Variants in ANXA10 observed in about 807,000 individuals in gnomAD.
The protein encoded by ANXA10 is annexin A10, also known as annexin 14.
In ANXA10, 49 loss-of-function variants were observed where a neutral mutation model predicts 53.5. The ratio of observed to expected loss-of-function variants is 0.92; its 90% CI spans 0.73 to 1.16. The LOEUF (loss-of-function observed/expected upper bound fraction) is 1.16, where lower values mean the gene tolerates loss of function less well. ANXA10 is among the 50% of genes most tolerant of loss of function. The pLI, the probability that ANXA10 is intolerant of heterozygous loss-of-function variation, is 0.00. For synonymous variants in ANXA10, 131 were observed against 128.9 expected, an observed-to-expected ratio of 1.02 and a Z score of -0.11; for missense variants, 393 against 394.4, an observed-to-expected ratio of 1.00 and a Z score of 0.03.
intron 1 of ANXA10, among the ~76,000 whole-genome samples, chr4:168,112,309 TG>T (rs1319993217): frequency 6.6e-6 from 1 of 151,736 alleles, no homozygotes; most frequent in Non-Finnish European, 1.5e-5. Flanking sequence ...GGTGGCGGGC[TG>T]GGGGGAAGGC....
chr4:168,177,184 C>G lies in ANXA10; in HGVS notation c.481-556C>G, dbSNP rs563487730. Among the ~76,000 whole-genome samples the G allele has an allele frequency of 7.2e-5, 11 of 152,266 alleles. No homozygotes were observed. The East Asian group carries it at 1.9e-3, about 27-fold the overall frequency. On this transcript the variant is annotated intron_variant, in intron 6 of 11. Transcript: ENST00000359299. ...CATAACCCTCAGGAATCAATGGACC[C>G]TGCATTGGTTAGCGCCCCTTCCCTC...
rs768979792 is a variant in ANXA10 at position 168,139,623 on chromosome 4, G to C, written c.195+43G>C. On this transcript the variant is annotated intron_variant, in intron 3 of 11. Coordinates refer to ENST00000359299, the MANE Select transcript of ANXA10 (RefSeq NM_007193.5). ...TGACCTATTTCTAGGGCAATCTCTT[G>C]AGAACTAACCACACTCACGGATAAT... 6.8e-6 allele frequency: 10 copies of C among 1,474,106 alleles called. No homozygotes were observed. The South Asian group carries it at 1.1e-4, about 16-fold the overall frequency. The allele number at this position is 1,474,106 out of a possible 1,614,324, so 91.3% of individuals were successfully genotyped here. A position where few individuals can be genotyped will look rare whatever the true frequency, so the allele number is the denominator to read the frequency against.
At chr4:168,149,245 T>C (rs17610647) in intron 3 of ANXA10, among the ~76,000 whole-genome samples, 3,839 of 152,320 alleles carry the variant, frequency 0.025, 62 homozygotes, top group Middle Eastern at 0.041. Flanking sequence ...TAAATCCTTT[T>C]AGACCAAAGT....
chr4:168,184,412 A>G (rs576690), intron 10 of ANXA10, 147 bp from the exon 11 acceptor site: 232,322 of 869,078 alleles, frequency 0.27, 34,812 homozygotes, highest in African/African-American at 0.52. Context: ...CAGGATCTGA[A>G]CCACAGCCTG....
intron 1 of ANXA10, among the ~76,000 whole-genome samples, chr4:168,108,751 G>A (rs779497633): frequency 1.3e-5 from 2 of 152,100 alleles, no homozygotes; most frequent in African/African-American, 4.8e-5. Context: ...ATGTAGCCAC[G>A]CAATCTGAGC....
chr4:168,107,959 A>T (rs1431708757), intron 1 of ANXA10, among the ~76,000 whole-genome samples: 1 of 152,208 alleles, frequency 6.6e-6, no homozygotes, highest in Non-Finnish European at 1.5e-5. Flanking sequence ...TTAAATATTC[A>T]TAAGTTACTT....
In ANXA10 at chr4:168,164,226, T is replaced by C. The variant is rs1350189487; in HGVS notation, c.338T>C (p.Ile113Thr). The change falls in exon 5 of 12, where the codon ATT becomes ACT. Residue 113 changes from isoleucine to threonine, a missense_variant. Coordinates refer to ENST00000359299, the MANE Select transcript of ANXA10 (RefSeq NM_007193.5). ...KGVGTDENCL[I>T]EILASRTNGE... ...GTAGGCACTGATGAGAATTGCCTCA[T>C]TGAAATACTAGCTTCAAGAACAAAT... is the stretch of plus-strand genomic sequence containing the variant. 1.5e-5 allele frequency: 25 copies of C among 1,612,978 alleles called. No homozygotes were observed. Among genetic ancestry groups the C allele is most frequent in the Non-Finnish European group, 1.9e-5 (22 of 1,179,260 alleles).
chr4:168,142,329 A>G (rs1352471519), intron 3 of ANXA10, among the ~76,000 whole-genome samples: 3 of 152,008 alleles, frequency 2.0e-5, no homozygotes, highest in Admixed American at 6.6e-5. Flanking sequence ...CCCCTTCCCT[A>G]ACACAATTTT....
At chr4:168,184,509 A>T (rs750433285) in intron 10 of ANXA10, 50 bp from the exon 11 acceptor site, 3 of 1,606,974 alleles carry the variant, frequency 1.9e-6, no homozygotes, top group South Asian at 2.2e-5. Context: ...GGACAGACTG[A>T]CTTTTAGGAT....
At chr4:168,185,376 T>C (rs1031940204) in intron 11 of ANXA10, among the ~76,000 whole-genome samples, 9 of 152,252 alleles carry the variant, frequency 5.9e-5, no homozygotes, top group African/African-American at 1.9e-4. Context: ...TCAGTTGAGC[T>C]GTCCTCTCAT....
chr4:168,128,796 G>C (rs1480409819), intron 2 of ANXA10, among the ~76,000 whole-genome samples: 1 of 151,898 alleles, frequency 6.6e-6, no homozygotes, highest in East Asian at 1.9e-4. Context: ...TTTGCACTGT[G>C]CTTATGTTTG....
intron 3 of ANXA10, among the ~76,000 whole-genome samples, chr4:168,152,838 T>A (rs564806567): frequency 6.7e-6 from 1 of 149,538 alleles, no homozygotes; most frequent in East Asian, 1.9e-4. Context: ...ATTATATATA[T>A]AAACAATATA....
At chr4:168,117,928 CTCACTCA>C (rs1168117190) in intron 1 of ANXA10, among the ~76,000 whole-genome samples, 7 of 147,624 alleles carry the variant, frequency 4.7e-5, no homozygotes, top group African/African-American at 1.8e-4. Flanking sequence ...CACTCACTCA[CTCACTCA>C]CTCCCTCCCT....
At chr4:168,184,758 T>C (rs899396639) in intron 11 of ANXA10, 77 bp downstream of exon 11, 306 of 1,566,408 alleles carry the variant, frequency 2.0e-4, no homozygotes, top group Admixed American at 9.0e-5. Context: ...CTCATTCAAA[T>C]AACTTCATGG....
chr4:168,134,694 T>C (rs1731209176), intron 2 of ANXA10, among the ~76,000 whole-genome samples: 2 of 152,188 alleles, frequency 1.3e-5, no homozygotes, highest in Non-Finnish European at 2.9e-5. Context: ...AGACATCATC[T>C]TTCTCTATGC....
At chr4:168,149,482 C>T (rs974241021) in intron 3 of ANXA10, among the ~76,000 whole-genome samples, 1 of 151,940 alleles carries the variant, frequency 6.6e-6, no homozygotes, top group African/African-American at 2.4e-5. Flanking sequence ...ATAGTATTCC[C>T]TCAGATTGTT....
intron 3 of ANXA10, among the ~76,000 whole-genome samples, chr4:168,153,146 T>C (rs1410177363): frequency 1.3e-5 from 2 of 152,092 alleles, no homozygotes; most frequent in Admixed American, 6.6e-5. Flanking sequence ...GAGGCTATTA[T>C]ATTAACAAAG....
Position 168,166,180 on chromosome 4 carries a change from T to C in ANXA10, c.480+854T>C, listed in dbSNP as rs192550865. Among the ~76,000 whole-genome samples, 662 of 152,300 alleles carry C rather than the reference T, an allele frequency of 4.3e-3. 3 individuals are homozygous for C. The highest frequency in any genetic ancestry group is 0.015 in the African/African-American group (611 of 41,562). On this transcript the variant is annotated intron_variant, in intron 6 of 11. Transcript: ENST00000359299. ...AAGTATAAAGTTCTAGCTCTATGAT[T>C]GTCTGAAGAGCTAATAAGTAGAAAT...
At chr4:168,146,257 T>A (rs575776031) in intron 3 of ANXA10, among the ~76,000 whole-genome samples, 1 of 152,214 alleles carries the variant, frequency 6.6e-6, no homozygotes, top group African/African-American at 2.4e-5. Flanking sequence ...TTTCAAGTAG[T>A]CTAGAAAGCC....
Sources: allele counts gnomAD v4.1 joint callset (sites outside exome capture counted in the v4.1 genomes callset), GRCh38; gene constraint gnomAD v4.1.1; transcripts MANE v1.5; gene names NCBI Gene and HGNC (gene_info 2026-07-23, HGNC 2026-07-21).